RPH3A: variants seen among roughly 807,000 people sequenced by gnomAD.
RPH3A encodes rabphilin 3A, also known as rabphilin-3A.
Under a neutral mutation model 102.2 loss-of-function variants are expected in RPH3A, and 48 were observed. The ratio of observed to expected loss-of-function variants is 0.47; its 90% confidence interval spans 0.37 to 0.60. The LOEUF (loss-of-function observed/expected upper bound fraction) is 0.60, where lower values mean the gene tolerates loss of function less well. Among genes scored for constraint, RPH3A ranks in the 20% least tolerant of loss-of-function variants. The probability of loss-of-function intolerance (pLI) is 0.00; values close to 1 mark genes in which losing one functional copy is unlikely to be tolerated. For synonymous variants in RPH3A, 310 were observed against 324.3 expected, an observed-to-expected ratio of 0.96 and a Z score of 0.47; for missense variants, 781 against 910.1, an observed-to-expected ratio of 0.86 and a Z score of 1.83.
intron 1 of RPH3A, among the ~76,000 whole-genome samples, chr12:112,621,887 T>TG (rs1219377003): frequency 6.6e-6 from 1 of 151,014 alleles, no homozygotes; most frequent in African/African-American, 2.4e-5. Context: ...CCTCCTCAAG[T>TG]GGGTCCCTGA....
chr12:112,596,719 A>G (rs928285094), intron 1 of RPH3A, among the ~76,000 whole-genome samples: 3 of 152,208 alleles, frequency 2.0e-5, no homozygotes, highest in Admixed American at 2.0e-4. Context: ...ATATCTATAT[A>G]AATTTTAGAA....
intron 1 of RPH3A, among the ~76,000 whole-genome samples, chr12:112,724,082 A>T (rs1592964155): frequency 8.1e-6 from 1 of 124,184 alleles, no homozygotes; most frequent in South Asian, 2.5e-4. Context: ...TGGAGACAGG[A>T]TCTATCTAGC....
intron 2 of RPH3A, among the ~76,000 whole-genome samples, chr12:112,825,806 A>G (rs1241605323): frequency 6.6e-6 from 1 of 152,210 alleles, no homozygotes; most frequent in African/African-American, 2.4e-5. Context: ...TAAACAACTT[A>G]TATTAAATTG....
At chr12:112,674,205 G>A (rs1441667000) in intron 1 of RPH3A, among the ~76,000 whole-genome samples, 1 of 152,142 alleles carries the variant, frequency 6.6e-6, no homozygotes, top group Non-Finnish European at 1.5e-5. Context: ...TTACAAGTGT[G>A]TGCCACCGCA....
intron 1 of RPH3A, among the ~76,000 whole-genome samples, chr12:112,648,589 A>AAAAAAAAAAAAAAAAAAAAAAAT: frequency 7.6e-6 from 1 of 131,728 alleles, no homozygotes; most frequent in Non-Finnish European, 1.6e-5. Context: ...AAAAAAAAAA[A>AAAAAAAAAAAAAAAAAAAAAAAT]AAAAAAAAAG....
At chr12:112,704,756 G>A (rs2040417511) in intron 1 of RPH3A, among the ~76,000 whole-genome samples, 1 of 152,154 alleles carries the variant, frequency 6.6e-6, no homozygotes, top group South Asian at 2.1e-4. Context: ...AAATTTATTT[G>A]GCTAAGAATC....
intron 15 of RPH3A, among the ~76,000 whole-genome samples, chr12:112,882,142 C>T (rs2057779): frequency 0.49 from 75,220 of 151,988 alleles, 19,802 homozygotes; most frequent in African/African-American, 0.66. Context: ...ACACCTTCAG[C>T]GGCTCTCCCA....
intron 1 of RPH3A, among the ~76,000 whole-genome samples, chr12:112,645,570 TAG>T (rs1417766920): frequency 6.6e-6 from 1 of 152,192 alleles, no homozygotes; most frequent in African/African-American, 2.4e-5. Flanking sequence ...ATCTTGCTTT[TAG>T]AGAGGCAGGT....
chr12:112,713,061 CTT>C (rs2040488948), intron 1 of RPH3A, among the ~76,000 whole-genome samples: 1 of 96,510 alleles, frequency 1.0e-5, no homozygotes, highest in Non-Finnish European at 2.5e-5. Flanking sequence ...CCTTCTTCTT[CTT>C]CTTCTTCTTC....
intron 1 of RPH3A, among the ~76,000 whole-genome samples, chr12:112,665,898 G>T (rs745587338): frequency 6.6e-6 from 1 of 152,186 alleles, no homozygotes; most frequent in Non-Finnish European, 1.5e-5. Flanking sequence ...AGAAACATCA[G>T]ATTTCCTGAA....
intron 1 of RPH3A, among the ~76,000 whole-genome samples, chr12:112,676,672 T>A (rs763493485): frequency 2.0e-5 from 3 of 152,184 alleles, no homozygotes; most frequent in Non-Finnish European, 2.9e-5. Context: ...AGGGCCCTTT[T>A]GCTGAGAGTA....
chr12:112,655,001 A>G (rs2135999509), intron 1 of RPH3A, among the ~76,000 whole-genome samples: 1 of 152,308 alleles, frequency 6.6e-6, no homozygotes, highest in African/African-American at 2.4e-5. Flanking sequence ...CTTCTTATTC[A>G]TGTGTCATCC....
chr12:112,750,761 A>G (rs1170911922), intron 1 of RPH3A, among the ~76,000 whole-genome samples: 2 of 152,130 alleles, frequency 1.3e-5, no homozygotes, highest in Non-Finnish European at 2.9e-5. Flanking sequence ...TCTAGGTCTA[A>G]ACTAATTGTT....
intron 1 of RPH3A, among the ~76,000 whole-genome samples, chr12:112,644,261 A>C (rs2039911178): frequency 6.6e-6 from 1 of 152,232 alleles, no homozygotes; most frequent in Non-Finnish European, 1.5e-5. Flanking sequence ...TATCCATGTA[A>C]CAAAACTGCA....
chr12:112,784,831 G>T (rs1317549711), intron 1 of RPH3A, among the ~76,000 whole-genome samples: 1 of 152,220 alleles, frequency 6.6e-6, no homozygotes, highest in Non-Finnish European at 1.5e-5. Context: ...ATTCTGGAGA[G>T]GACTTGGGAG....
intron 1 of RPH3A, among the ~76,000 whole-genome samples, chr12:112,575,724 C>CAAA (rs59350624): frequency 0.14 from 21,940 of 151,930 alleles, 1,958 homozygotes; most frequent in South Asian, 0.37. Context: ...GCTGGGACCC[C>CAAA]GCATCAGGCT....
chr12:112,657,454 G>T (rs2040021109), intron 1 of RPH3A, among the ~76,000 whole-genome samples: 1 of 152,080 alleles, frequency 6.6e-6, no homozygotes, highest in African/African-American at 2.4e-5. Flanking sequence ...TTATTATCAA[G>T]TATTATGTAC....
intron 3 of RPH3A, among the ~76,000 whole-genome samples, chr12:112,829,762 A>C (rs2041937553): frequency 6.6e-6 from 1 of 152,224 alleles, no homozygotes; most frequent in South Asian, 2.1e-4. Context: ...AAATGGATGT[A>C]AGTGGATAAT....
chr12:112,810,548 G>T (rs557127030), intron 2 of RPH3A, among the ~76,000 whole-genome samples: 28 of 152,340 alleles, frequency 1.8e-4, no homozygotes, highest in Admixed American at 1.8e-3. Context: ...CTCTTGGCAG[G>T]TTTCTTTTCT....
Sources: allele counts gnomAD v4.1 joint callset (sites outside exome capture counted in the v4.1 genomes callset), GRCh38; gene constraint gnomAD v4.1.1; transcripts MANE v1.5; gene names NCBI Gene and HGNC (gene_info 2026-07-23, HGNC 2026-07-21).